The following PHLPP1 variants were observed in gnomAD, a reference collection of about 807,000 sequenced individuals.
PHLPP1 encodes the protein PH domain and leucine rich repeat protein phosphatase 1, also known as PH domain leucine-rich repeat-containing protein phosphatase 1.
In PHLPP1, 42 loss-of-function variants were observed where a neutral mutation model predicts 117.2. The ratio of observed to expected loss-of-function variants is 0.36; its 90% CI spans 0.28 to 0.46. The LOEUF (loss-of-function observed/expected upper bound fraction) is 0.46. Among genes scored for constraint, PHLPP1 ranks in the 20% least tolerant of loss-of-function variants. PHLPP1 has a pLI of 1.00. For synonymous variants in PHLPP1, 1,042 were observed against 970.7 expected (o/e 1.07, Z -1.37); for missense variants, 2,084 against 2,241.9 (o/e 0.93, Z 1.42).
intron 10 of PHLPP1, among the ~76,000 whole-genome samples, chr18:62,925,071 GATGGA>G (rs1909584304): frequency 6.6e-6 from 1 of 151,904 alleles, no homozygotes; most frequent in African/African-American, 2.4e-5. Context: ...GGATTTTCCT[GATGGA>G]AACCCCAAAA....
intron 1 of PHLPP1, among the ~76,000 whole-genome samples, chr18:62,769,910 A>G (rs1270842506): frequency 6.6e-6 from 1 of 152,168 alleles, no homozygotes; most frequent in Non-Finnish European, 1.5e-5. Flanking sequence ...TACTTACATC[A>G]TCAAATGCCA....
chr18:62,854,410 C>G (rs1411618171), intron 3 of PHLPP1, among the ~76,000 whole-genome samples: 1 of 152,156 alleles, frequency 6.6e-6, no homozygotes, highest in Non-Finnish European at 1.5e-5. Context: ...CCTATGATGT[C>G]AAGGAATAAT....
chr18:62,870,262 A>G (rs1289310940), intron 4 of PHLPP1, among the ~76,000 whole-genome samples: 2 of 152,092 alleles, frequency 1.3e-5, no homozygotes, highest in African/African-American at 4.8e-5. Flanking sequence ...TCCAAGAAAA[A>G]TTTTTATTGC....
intron 4 of PHLPP1, among the ~76,000 whole-genome samples, chr18:62,878,918 C>T (rs537531671): frequency 6.6e-6 from 1 of 152,306 alleles, no homozygotes; most frequent in East Asian, 1.9e-4. Flanking sequence ...GTCTTCTTGA[C>T]ATGCTCTGTG....
At chr18:62,839,750 TATA>T (rs1345486822) in intron 3 of PHLPP1, 1 of 146,514 alleles carries the variant, frequency 6.8e-6, no homozygotes, top group African/African-American at 2.5e-5. Context: ...ATATATATAA[TATA>T]ATATATAATT....
chr18:62,765,717 C>T (rs1228135275), intron 1 of PHLPP1, among the ~76,000 whole-genome samples: 2 of 152,048 alleles, frequency 1.3e-5, no homozygotes, highest in African/African-American at 2.4e-5. Flanking sequence ...GAAAAGGGGC[C>T]GGGCGCAGTG....
chr18:62,914,688 C>T (rs961105922), intron 8 of PHLPP1, among the ~76,000 whole-genome samples: 5 of 152,244 alleles, frequency 3.3e-5, no homozygotes, highest in Non-Finnish European at 7.3e-5. Flanking sequence ...CTCCCATAGG[C>T]GTGAGCCACT....
chr18:62,786,092 GCA>G (rs1913275155), intron 1 of PHLPP1, among the ~76,000 whole-genome samples: 1 of 152,114 alleles, frequency 6.6e-6, no homozygotes, highest in South Asian at 2.1e-4. Flanking sequence ...AGTCCCTTCT[GCA>G]CACTGATGCC....
chr18:62,732,969 AAG>A (rs1223386391), intron 1 of PHLPP1, among the ~76,000 whole-genome samples: 1 of 152,236 alleles, frequency 6.6e-6, no homozygotes, highest in Non-Finnish European at 1.5e-5. Flanking sequence ...TGGACAAGCA[AAG>A]AAAGTGGTTT....
At position 62,887,973 on chromosome 18, in the gene PHLPP1, C is replaced by T. The variant is rs189845151; in HGVS notation, c.2067-7038C>T. On this transcript the variant is annotated intron_variant, in intron 4 of 16. Coordinates refer to ENST00000262719, the MANE Select transcript of PHLPP1 (RefSeq NM_194449.4). Reference sequence around the variant, plus strand: ...CAGGCTAGTCTTGGACTCCTGGGCTCAAACAGTCCTCCCTCCTTTGTTTGC... The same window carrying T: ...CAGGCTAGTCTTGGACTCCTGGGCTTAAACAGTCCTCCCTCCTTTGTTTGC... 2.4e-4 allele frequency among the ~76,000 whole-genome samples: 36 copies of T among 152,200 alleles called. No individual in the cohort carries two copies. In the East Asian group the frequency reaches 6.0e-3, roughly 25 times the overall value.
At position 62,874,380 on chromosome 18, in the gene PHLPP1, G is replaced by C. The variant is rs192748382; in HGVS notation, c.2066+13779G>C. On this transcript the variant is annotated intron_variant, in intron 4 of 16. Coordinates refer to ENST00000262719, the MANE Select transcript of PHLPP1 (RefSeq NM_194449.4). ...CAAACTTAGCCGGGCATGGTGGTGC[G>C]CACCTGTAATCCCAGGTATTTGGGA... 7.9e-5 allele frequency among the ~76,000 whole-genome samples: 12 copies of C among 151,840 alleles called. No homozygotes were observed. In the East Asian group the frequency reaches 2.3e-3, roughly 30 times the overall value.
chr18:62,866,979 G>T (rs1293305845), intron 4 of PHLPP1, among the ~76,000 whole-genome samples: 1 of 152,104 alleles, frequency 6.6e-6, no homozygotes, highest in Non-Finnish European at 1.5e-5. Flanking sequence ...TTTTCCCTCT[G>T]CAGGTTAGCC....
chr18:62,771,918 A>G (rs557083231), intron 1 of PHLPP1, among the ~76,000 whole-genome samples: 1 of 152,306 alleles, frequency 6.6e-6, no homozygotes, highest in African/African-American at 2.4e-5. Context: ...TCTTATTGGC[A>G]CTCAAAAAGT....
chr18:62,895,304 T>C, intron 5 of PHLPP1, 147 bp downstream of exon 5: 1 of 731,816 alleles, frequency 1.4e-6, no homozygotes, highest in Non-Finnish European at 2.2e-6. Flanking sequence ...ATGTAGTCCG[T>C]ATGGAGTTCA....
At chr18:62,717,309 C>A in intron 1 of PHLPP1, 50 bp downstream of exon 1, 1 of 1,520,006 alleles carries the variant, frequency 6.6e-7, no homozygotes, top group South Asian at 1.3e-5. Flanking sequence ...TGCCGAGGAC[C>A]GAGGAGTGAT....
At chr18:62,806,898 A>G (rs953807378) in intron 1 of PHLPP1, among the ~76,000 whole-genome samples, 12 of 152,180 alleles carry the variant, frequency 7.9e-5, no homozygotes, top group Non-Finnish European at 2.9e-5. Flanking sequence ...AGTCAGAACT[A>G]TTTGAGGAAA....
rs552854534 is a variant in PHLPP1, at chr18:62,978,809, C to A, written c.4532C>A (p.Pro1511His). The A allele has an allele frequency of 6.2e-7, 1 of 1,611,474 alleles. No individual in the cohort carries two copies. The highest frequency in any genetic ancestry group is 8.5e-7 in the Non-Finnish European group (1 of 1,178,938). ...GALSENSPAY[P>H]SEQRCMLHPI... ...CTAAGCGAGAACAGCCCTGCCTACC[C>A]CAGTGAGCAGCGCTGCATGCTCCAC... is the stretch of plus-strand genomic sequence containing the variant. Residue 1511 changes from proline to histidine, a missense_variant, in exon 17 of 17, where the codon CCC becomes CAC. Pro to His is a moderately conservative substitution (Grantham distance 77). Around this residue, in one of 2 missense-constraint regions of PHLPP1, gnomAD observed 1,365 missense variants for 1,605.9 expected, o/e 0.85. Coordinates refer to ENST00000262719, the MANE Select transcript of PHLPP1 (RefSeq NM_194449.4). This position sits in a 1 kb window ranked among gnomAD's most constrained non-coding sequence, Gnocchi z 7.0.
chr18:62,973,640 C>T (rs1221488630), intron 15 of PHLPP1, among the ~76,000 whole-genome samples: 1 of 152,150 alleles, frequency 6.6e-6, no homozygotes, highest in Non-Finnish European at 1.5e-5. Flanking sequence ...CAAATGGTTC[C>T]TCTCAGAGAG....
chr18:62,837,251 C>T (rs938922952), intron 2 of PHLPP1, among the ~76,000 whole-genome samples: 7 of 152,278 alleles, frequency 4.6e-5, no homozygotes, highest in Non-Finnish European at 7.4e-5. Flanking sequence ...CTAGGTCTCC[C>T]GAAGTGCTGG....
Sources: allele counts gnomAD v4.1 joint callset (sites outside exome capture counted in the v4.1 genomes callset), GRCh38; gene constraint gnomAD v4.1.1; regional missense constraint gnomAD v4.1.1; non-coding constraint Gnocchi (gnomAD v3.1); transcripts MANE v1.5; gene names NCBI Gene and HGNC (gene_info 2026-07-23, HGNC 2026-07-21).